The following RYR3 variants were observed in gnomAD, a reference collection of about 807,000 sequenced individuals.
The protein encoded by RYR3 is ryanodine receptor 3.
Under a neutral mutation model 584.3 loss-of-function variants are expected in RYR3, and 207 were observed. That is an observed-to-expected ratio of 0.35 (90% confidence interval 0.32 to 0.40). The LOEUF is 0.40. RYR3 is among the 10% of genes least tolerant of loss of function. RYR3 has a pLI of 1.00. For missense variants in RYR3, 5,616 were observed against 6,089.2 expected (o/e 0.92, Z 2.59); for synonymous variants, 2,416 against 2,248.5 (o/e 1.07, Z -2.11).
intron 43 of RYR3, among the ~76,000 whole-genome samples, chr15:33,709,618 T>C (rs889856423): frequency 6.6e-5 from 10 of 152,338 alleles, no homozygotes; most frequent in African/African-American, 2.4e-4. Context: ...CTTGCTTTCT[T>C]GTGCACACTC....
chr15:33,379,636 T>C (rs1244507973), intron 1 of RYR3, among the ~76,000 whole-genome samples: 2 of 137,706 alleles, frequency 1.5e-5, no homozygotes, highest in Non-Finnish European at 3.0e-5. Context: ...AGGATATATT[T>C]ATGTGTATGT....
intron 43 of RYR3, among the ~76,000 whole-genome samples, chr15:33,721,592 G>A (rs1041255959): frequency 1.3e-4 from 20 of 152,056 alleles, no homozygotes; most frequent in African/African-American, 4.8e-4. Context: ...TCAAAGTCTT[G>A]CCTTTGAGTA....
At chr15:33,607,912 T>C (rs1001138161) in intron 18 of RYR3, among the ~76,000 whole-genome samples, 3 of 152,176 alleles carry the variant, frequency 2.0e-5, no homozygotes, top group South Asian at 2.1e-4. Flanking sequence ...AGCAGTCTTA[T>C]GAGGTAGACG....
rs1479682284 is a variant in RYR3, at chr15:33,311,379, G to A, written c.51+283G>A. 2.0e-5 allele frequency among the ~76,000 whole-genome samples: 3 copies of A among 152,218 alleles called. No homozygotes were observed. Among genetic ancestry groups the A allele is most frequent in the South Asian group, 4.1e-4 (2 of 4,830 alleles). On this transcript the variant is annotated intron_variant, in intron 1 of 103. Transcript: ENST00000634891. The surrounding 1 kb of genome is among the most constrained non-coding windows in gnomAD (Gnocchi z 4.4). ...CGCTCTCCAGGCAACTTGCTACTTG[G>A]TCTGAAACCCTTGATGCCCAAACTT...
intron 1 of RYR3, among the ~76,000 whole-genome samples, chr15:33,435,584 T>G (rs1161141147): frequency 6.6e-6 from 1 of 152,232 alleles, no homozygotes; most frequent in Non-Finnish European, 1.5e-5. Flanking sequence ...ATATGCCTCT[T>G]CCTCCATATT....
At chr15:33,754,398 T>C (rs936709156) in intron 57 of RYR3, among the ~76,000 whole-genome samples, 2 of 152,202 alleles carry the variant, frequency 1.3e-5, no homozygotes, top group African/African-American at 4.8e-5. Context: ...TTGTCCCCAC[T>C]TCCTACCCCA....
At chr15:33,762,207 G>A (rs1261003609) in intron 60 of RYR3, among the ~76,000 whole-genome samples, 1 of 152,198 alleles carries the variant, frequency 6.6e-6, no homozygotes, top group Non-Finnish European at 1.5e-5. Context: ...GTACAGGGAT[G>A]CCCTCTCTCA....
chr15:33,763,474 T>A (rs2072691560), intron 60 of RYR3, among the ~76,000 whole-genome samples: 1 of 151,962 alleles, frequency 6.6e-6, no homozygotes, highest in South Asian at 2.1e-4. Context: ...CAGACACTTT[T>A]CAAAAGAAGA....
At chr15:33,464,575 TATATA>T (rs2048340011) in intron 1 of RYR3, among the ~76,000 whole-genome samples, 1 of 148,186 alleles carries the variant, frequency 6.7e-6, no homozygotes, top group Non-Finnish European at 1.5e-5. Context: ...ATGTATTTAA[TATATA>T]ATGTATATAA....
chr15:33,337,882 T>C (rs1160047449), intron 1 of RYR3, among the ~76,000 whole-genome samples: 5 of 150,048 alleles, frequency 3.3e-5, no homozygotes, highest in Admixed American at 3.3e-4. Context: ...GTGTACATTA[T>C]ACATATGTCA....
chr15:33,391,054 T>C (rs79211714), intron 1 of RYR3, among the ~76,000 whole-genome samples: 3,140 of 152,268 alleles, frequency 0.021, 109 homozygotes, highest in African/African-American at 0.072. Flanking sequence ...TGACTCCCTC[T>C]AGCAAATCTC....
chr15:33,820,868 C>T, intron 78 of RYR3, 56 bp downstream of exon 78: 1 of 1,185,164 alleles, frequency 8.4e-7, no homozygotes, highest in South Asian at 1.4e-5. Flanking sequence ...ATAGGCCAGG[C>T]CTTCAGAGGT....
intron 3 of RYR3, among the ~76,000 whole-genome samples, chr15:33,519,065 T>C (rs1401925308): frequency 6.6e-6 from 1 of 152,176 alleles, no homozygotes; most frequent in African/African-American, 2.4e-5. Flanking sequence ...CTTTGTGCTT[T>C]GCCATTAACT....
At chr15:33,510,881 G>T (rs2052921972) in intron 3 of RYR3, among the ~76,000 whole-genome samples, 1 of 151,918 alleles carries the variant, frequency 6.6e-6, no homozygotes, top group South Asian at 2.1e-4. Flanking sequence ...CTGATATAAT[G>T]GATTTTAATG....
At chr15:33,658,544 G>A (rs914312024) in intron 32 of RYR3, among the ~76,000 whole-genome samples, 1 of 152,214 alleles carries the variant, frequency 6.6e-6, no homozygotes, top group South Asian at 2.1e-4. Context: ...TCACCTTAGG[G>A]TATGTCCAGC....
intron 3 of RYR3, among the ~76,000 whole-genome samples, chr15:33,523,701 A>G (rs1486870557): frequency 6.6e-6 from 1 of 152,128 alleles, no homozygotes; most frequent in Non-Finnish European, 1.5e-5. Context: ...GAAGCAGGGA[A>G]TGCACCAAGT....
intron 1 of RYR3, among the ~76,000 whole-genome samples, chr15:33,361,541 C>A (rs965793561): frequency 6.6e-6 from 1 of 152,114 alleles, no homozygotes; most frequent in African/African-American, 2.4e-5. Flanking sequence ...GTAGACAGAG[C>A]AGAATAAGGT....
intron 48 of RYR3, 114 bp from the exon 49 acceptor site, chr15:33,736,121 A>C: frequency 7.8e-6 from 5 of 640,570 alleles, no homozygotes; most frequent in East Asian, 2.8e-5. Flanking sequence ...CTTGTGTATT[A>C]GGAGCTGTTT....
At chr15:33,387,956 T>TA (rs77242922) in intron 1 of RYR3, among the ~76,000 whole-genome samples, 4 of 151,752 alleles carry the variant, frequency 2.6e-5, no homozygotes, top group Non-Finnish European at 5.9e-5. Flanking sequence ...GAGGAAATTA[T>TA]AAAAAAAATT....
Sources: allele counts gnomAD v4.1 joint callset (sites outside exome capture counted in the v4.1 genomes callset), GRCh38; gene constraint gnomAD v4.1.1; non-coding constraint Gnocchi (gnomAD v3.1); transcripts MANE v1.5; gene names NCBI Gene and HGNC (gene_info 2026-07-23, HGNC 2026-07-21).